Variants in HSD17B4 observed in about 807,000 individuals in gnomAD.
HSD17B4 encodes the protein hydroxysteroid 17-beta dehydrogenase 4, also known as peroxisomal multifunctional enzyme type 2.
Under a neutral mutation model 101.0 loss-of-function variants are expected in HSD17B4, and 70 were observed. The ratio of observed to expected loss-of-function variants is 0.69; its 90% CI spans 0.57 to 0.85. The LOEUF (loss-of-function observed/expected upper bound fraction) is 0.85, where lower values mean the gene tolerates loss of function less well. Among genes scored for constraint, HSD17B4 ranks in the 40% least tolerant of loss-of-function variants. The probability of loss-of-function intolerance (pLI) is 0.00; values close to 1 mark genes in which losing one functional copy is unlikely to be tolerated. For missense variants in HSD17B4, 984 were observed against 892.4 expected (o/e 1.10, Z -1.31); for synonymous variants, 347 against 297.1 (o/e 1.17, Z -1.73).
intron 22 of HSD17B4, among the ~76,000 whole-genome samples, chr5:119,531,616 A>G (rs1754125562): frequency 6.7e-6 from 1 of 149,968 alleles, no homozygotes; most frequent in Non-Finnish European, 1.5e-5. Flanking sequence ...TGTGTAAGAG[A>G]TGTAGGGAAT....
intron 22 of HSD17B4, among the ~76,000 whole-genome samples, chr5:119,534,185 T>G (rs947311947): frequency 3.9e-5 from 6 of 152,130 alleles, no homozygotes; most frequent in African/African-American, 1.4e-4. Context: ...TTCACATGTT[T>G]GTAATCATTT....
intron 12 of HSD17B4, among the ~76,000 whole-genome samples, chr5:119,498,387 G>A (rs1561462433): frequency 2.0e-5 from 3 of 152,044 alleles, no homozygotes; most frequent in African/African-American, 7.2e-5. Context: ...TAATCAACCT[G>A]TATAAACCAT....
Position 119,498,750 on chromosome 5 carries a change from C to T in HSD17B4, c.973-567C>T, listed in dbSNP as rs542332949. On this transcript the variant is annotated intron_variant, in intron 12 of 23. Coordinates refer to ENST00000510025, the MANE Select transcript of HSD17B4 (RefSeq NM_000414.4). Reference sequence around the variant, plus strand: ...AAAAAATTAGCCAGGCATGGTGGCACGGGCCTGTAGTCCCAGCTACTCGGG... The same window carrying T: ...AAAAAATTAGCCAGGCATGGTGGCATGGGCCTGTAGTCCCAGCTACTCGGG... Among the ~76,000 whole-genome samples, 8 of 152,134 alleles carry T rather than the reference C, an allele frequency of 5.3e-5. No individual in the cohort carries two copies. The South Asian group carries it at 6.2e-4, about 12-fold the overall frequency.
At chr5:119,515,606 T>C (rs1752539524) in intron 17 of HSD17B4, among the ~76,000 whole-genome samples, 1 of 152,224 alleles carries the variant, frequency 6.6e-6, no homozygotes, top group Non-Finnish European at 1.5e-5. Flanking sequence ...TCACAAATTC[T>C]GTGACCATAG....
intron 12 of HSD17B4, among the ~76,000 whole-genome samples, chr5:119,498,069 GA>G (rs1293519991): frequency 6.6e-6 from 1 of 152,154 alleles, no homozygotes. Context: ...TAGCTCATGT[GA>G]AATTTGCCTA....
At chr5:119,516,267 T>C (rs1397683439) in intron 17 of HSD17B4, among the ~76,000 whole-genome samples, 1 of 152,294 alleles carries the variant, frequency 6.6e-6, no homozygotes. Flanking sequence ...AAGGCTTAAT[T>C]GAGAAACTAA....
intron 1 of HSD17B4, among the ~76,000 whole-genome samples, chr5:119,453,242 A>G (rs1754262008): frequency 6.6e-6 from 1 of 152,194 alleles, no homozygotes; most frequent in South Asian, 2.1e-4. Context: ...CAGAGGTTGT[A>G]AGCTCAAATG....
chr5:119,483,240 G>GT (rs1320962841), intron 8 of HSD17B4, among the ~76,000 whole-genome samples: 2 of 152,142 alleles, frequency 1.3e-5, no homozygotes, highest in African/African-American at 2.4e-5. Flanking sequence ...GTCGGTTACT[G>GT]TTTAAGTGTT....
intron 21 of HSD17B4, among the ~76,000 whole-genome samples, chr5:119,530,896 T>C (rs1162430831): frequency 6.7e-6 from 1 of 150,176 alleles, no homozygotes; most frequent in African/African-American, 2.4e-5. Context: ...ACTTAAGTTT[T>C]AGAGCTGTAA....
chr5:119,452,921 G>A, intron 1 of HSD17B4: 2 of 1,338,034 alleles, frequency 1.5e-6, no homozygotes, highest in Non-Finnish European at 2.1e-6. Flanking sequence ...CTGGGTGAAA[G>A]TTCTCCCTGA....
rs1001866915 is a variant in HSD17B4, at chr5:119,452,823, T to A, written c.58+190T>A. ...GGAAACACCTGGTCTCTCAAGCAGG[T>A]ACAGCCCGCTTCTCCCCAGCACCCC... is the stretch of plus-strand genomic sequence containing the variant. On this transcript the variant is annotated intron_variant, in intron 1 of 23. Coordinates refer to ENST00000510025, the MANE Select transcript of HSD17B4 (RefSeq NM_000414.4). The A allele has an allele frequency of 1.2e-5, 19 of 1,536,098 alleles. No individual in the cohort carries two copies. In the Admixed American group the frequency reaches 2.7e-4, roughly 22 times the overall value.
chr5:119,526,271 A>G (rs1373157013), intron 19 of HSD17B4, among the ~76,000 whole-genome samples: 5 of 108,550 alleles, frequency 4.6e-5, no homozygotes, highest in Non-Finnish European at 7.7e-5. Flanking sequence ...TAAATTAATT[A>G]GGTGCATATA....
chr5:119,541,754 T>A lies in HSD17B4; in HGVS notation c.2122-151T>A, dbSNP rs1755012004. ...TCTAAAAAAATGTGCTATCTGTAGT[T>A]ATTAAATTGTCATTGCTAAATAAAG... On this transcript the variant is annotated intron_variant, in intron 23 of 23. Transcript: ENST00000510025. 3.2e-5 allele frequency: 20 copies of A among 632,332 alleles called. No individual in the cohort carries two copies. The South Asian group carries it at 3.6e-4, about 11-fold the overall frequency. The allele number at this position is 632,332 out of a possible 1,614,324, so 39.2% of individuals were successfully genotyped here.
At position 119,488,392 on chromosome 5, in the gene HSD17B4, TAGAA is replaced by T. The variant is rs1427445203; in HGVS notation, c.623-799_623-796del. ...TAAGGGCTACGAAAGTAAGCTTAGA[TAGAA>T]GGAATAAATTCTAGTATTTGATAGT... On this transcript the variant is annotated intron_variant, in intron 8 of 23. Transcript: ENST00000510025. Among the ~76,000 whole-genome samples, 2 of 152,146 alleles carry T rather than the reference TAGAA, an allele frequency of 1.3e-5. 1 individual carries two copies. The highest frequency in any genetic ancestry group is 2.9e-5 in the Non-Finnish European group (2 of 68,008).
chr5:119,506,586 C>T (rs752500205), intron 14 of HSD17B4, among the ~76,000 whole-genome samples: 23 of 152,162 alleles, frequency 1.5e-4, no homozygotes, highest in Non-Finnish European at 2.8e-4. Flanking sequence ...CTTGAGGAAT[C>T]GCCACACTGT....
At position 119,505,152 on chromosome 5, in the gene HSD17B4, G is replaced by A. The variant is rs1203816837; in HGVS notation, c.1262-1666G>A. Among the ~76,000 whole-genome samples, 3 of 150,006 alleles carry A rather than the reference G, an allele frequency of 2.0e-5. No homozygotes were observed. The East Asian group carries it at 5.8e-4, about 29-fold the overall frequency. ...CTGTTTTGGTTACTGTAGTTTTATA[G>A]TATAGTTTCAAGTCAGTTAATATGA... On this transcript the variant is annotated intron_variant, in intron 14 of 23. Coordinates refer to ENST00000510025, the MANE Select transcript of HSD17B4 (RefSeq NM_000414.4).
At chr5:119,539,178 A>C (rs1216847590) in intron 23 of HSD17B4, among the ~76,000 whole-genome samples, 3 of 152,176 alleles carry the variant, frequency 2.0e-5, no homozygotes. Flanking sequence ...CTCAATAGAA[A>C]AAGTGGACAA....
intron 22 of HSD17B4, among the ~76,000 whole-genome samples, chr5:119,532,908 C>G (rs1440393284): frequency 6.6e-6 from 1 of 152,082 alleles, no homozygotes; most frequent in African/African-American, 2.4e-5. Flanking sequence ...GTGACTTGAA[C>G]TTATATGATG....
chr5:119,514,081 T>C (rs1752402595), intron 16 of HSD17B4, among the ~76,000 whole-genome samples: 1 of 152,192 alleles, frequency 6.6e-6, no homozygotes, highest in Admixed American at 6.5e-5. Context: ...AATGAATTTG[T>C]AAATAAAACC....
Sources: allele counts gnomAD v4.1 joint callset (sites outside exome capture counted in the v4.1 genomes callset), GRCh38; gene constraint gnomAD v4.1.1; transcripts MANE v1.5; gene names NCBI Gene and HGNC (gene_info 2026-07-23, HGNC 2026-07-21).